SLC12A2: variants seen among roughly 807,000 people sequenced by gnomAD.
SLC12A2 encodes the protein Na-K-2Cl cotransporter 1.
A neutral mutation model predicts 136.3 loss-of-function variants in SLC12A2; 67 were observed. That is an observed-to-expected ratio of 0.49 (90% confidence interval 0.40 to 0.60). The LOEUF (loss-of-function observed/expected upper bound fraction) is 0.60, where lower values mean the gene tolerates loss of function less well. Among genes scored for constraint, SLC12A2 ranks in the 20% least tolerant of loss-of-function variants. The probability of loss-of-function intolerance (pLI) is 0.00; values close to 1 mark genes in which losing one functional copy is unlikely to be tolerated. For synonymous variants in SLC12A2, 619 were observed against 562.9 expected, an observed-to-expected ratio of 1.10 and a Z score of -1.41; for missense variants, 1,322 against 1,534.7, an observed-to-expected ratio of 0.86 and a Z score of 2.32.
At position 128,135,823 on chromosome 5, in the gene SLC12A2, T is replaced by G; in HGVS notation, c.1408+15T>G. 1 of 1,391,076 alleles carries G rather than the reference T, an allele frequency of 7.2e-7. No individual in the cohort carries two copies. The highest frequency in any genetic ancestry group is 1.0e-6 in the Non-Finnish European group (1 of 983,302). 86.2% of individuals were successfully genotyped at this position (1,391,076 alleles called of 1,614,324 possible). Reference sequence around the variant, plus strand: ...TGGTTATAAATGTAAGTAAAAAAGATTCAATATTTTTTAAGGGTACCTATT... The same window carrying G: ...TGGTTATAAATGTAAGTAAAAAAGAGTCAATATTTTTTAAGGGTACCTATT... On this transcript the variant is annotated intron_variant, in intron 7 of 26. Transcript: ENST00000262461.
chr5:128,122,858 T>G (rs1761641639), intron 4 of SLC12A2, among the ~76,000 whole-genome samples: 1 of 152,100 alleles, frequency 6.6e-6, no homozygotes, highest in Non-Finnish European at 1.5e-5. Context: ...GTTCCTTTTT[T>G]TAATAGCTAG....
In SLC12A2 at chr5:128,142,015, G is replaced by A. The variant is rs767964785; in HGVS notation, c.1773+34G>A. 6.9e-6 allele frequency: 11 copies of A among 1,584,278 alleles called. No homozygotes were observed. In the South Asian group the frequency reaches 1.0e-4, roughly 14 times the overall value. On this transcript the variant is annotated intron_variant, in intron 10 of 26. Transcript: ENST00000262461. The stretch of plus-strand genomic sequence containing the variant: ...TGACTTTGTAATATACAGACATTCT[G>A]TATTTATCTAGGGGTGAGACTACTA...
At chr5:128,085,153 A>C (rs1760050220) in intron 1 of SLC12A2, among the ~76,000 whole-genome samples, 1 of 151,878 alleles carries the variant, frequency 6.6e-6, no homozygotes, top group African/African-American at 2.4e-5. Flanking sequence ...TAGGGATCGC[A>C]AGAGTGGGAA....
Position 128,180,867 on chromosome 5 carries a change from CAT to C in SLC12A2, c.3101-15_3101-14del, listed in dbSNP as rs771968857. The C allele has an allele frequency of 7.1e-7, 1 of 1,407,172 alleles. No individual in the cohort carries two copies. Among genetic ancestry groups the C allele is most frequent in the Non-Finnish European group, 1.0e-6 (1 of 1,003,536 alleles). The allele number at this position is 1,407,172 out of a possible 1,614,324, so 87.2% of individuals were successfully genotyped here. A position where few individuals can be genotyped will look rare whatever the true frequency, so the allele number is the denominator to read the frequency against. On this transcript the variant is annotated splice_polypyrimidine_tract_variant and intron_variant, in intron 22 of 26. Transcript: ENST00000262461. ...TTTGCATTTAGTAAATGATTTATTA[CAT>C]TTTTATAATTCAGGTTTGACCTTAT...
chr5:128,178,937 T>A, intron 22 of SLC12A2, among the ~76,000 whole-genome samples: 1 of 152,156 alleles, frequency 6.6e-6, no homozygotes, highest in East Asian at 1.9e-4. Flanking sequence ...ATATGAACCA[T>A]TTTGTTGACT....
chr5:128,100,409 G>A lies in SLC12A2; in HGVS notation c.757-12405G>A, dbSNP rs144442987. 2.9e-3 allele frequency among the ~76,000 whole-genome samples: 446 copies of A among 152,224 alleles called. 3 individuals are homozygous for A. Among genetic ancestry groups the A allele is most frequent in the African/African-American group, 0.01 (428 of 41,554 alleles). On this transcript the variant is annotated intron_variant, in intron 1 of 26. Coordinates refer to ENST00000262461, the MANE Select transcript of SLC12A2 (RefSeq NM_001046.3). ...CTAAAACTTTTTGAGTGCTGACATG[G>A]TGCTTAAAGGAACTGCACATTGGAG...
Position 128,174,610 on chromosome 5 carries a change from A to C in SLC12A2, c.2873A>C (p.Lys958Thr). 6.2e-7 allele frequency: 1 copy of C among 1,609,890 alleles called. No individual in the cohort carries two copies. Among genetic ancestry groups the C allele is most frequent in the Non-Finnish European group, 8.5e-7 (1 of 1,177,658 alleles). The change falls in exon 20 of 27, where the codon AAA becomes ACA. Residue 958 changes from lysine to threonine, a missense_variant. Around this residue, in one of 8 missense-constraint regions of SLC12A2, gnomAD observed 226 missense variants for 210.4 expected, o/e 1.07. Coordinates refer to ENST00000262461, the MANE Select transcript of SLC12A2 (RefSeq NM_001046.3). ...GTGGTAGTAAGTGTGGAATATAGTA[A>C]AAAGTCCGATTTAGATACTTCCAAA... Reference protein sequence around the residue: ...KDVVVSVEYSKKSDLDTSKPL... With the variant: ...KDVVVSVEYSTKSDLDTSKPL...
chr5:128,125,419 G>A (rs576840433), intron 4 of SLC12A2, among the ~76,000 whole-genome samples: 3 of 152,166 alleles, frequency 2.0e-5, no homozygotes, highest in South Asian at 4.1e-4. Context: ...ATGATGAGGA[G>A]CATCTTTTTA....
chr5:128,083,922 G>C lies in SLC12A2; in HGVS notation c.-33G>C, dbSNP rs1398581651. ...GGGCGTGCTGCCGGAGACGTCCGCCGGGCTCTGCAGTTCCGCCGGGGGTCG... is the reference window on the plus strand; with the variant it reads ...GGGCGTGCTGCCGGAGACGTCCGCCCGGCTCTGCAGTTCCGCCGGGGGTCG... On this transcript the variant is annotated 5_prime_UTR_variant, in exon 1 of 27. Transcript: ENST00000262461. 1.6e-6 allele frequency: 2 copies of C among 1,219,914 alleles called. No individual in the cohort carries two copies. Among genetic ancestry groups the C allele is most frequent in the African/African-American group, 1.6e-5 (1 of 63,582 alleles). The allele number at this position is 1,219,914 out of a possible 1,614,324, so 75.6% of individuals were successfully genotyped here.
chr5:128,164,325 A>G (rs927541247), intron 17 of SLC12A2, among the ~76,000 whole-genome samples: 1 of 152,180 alleles, frequency 6.6e-6, no homozygotes, highest in Non-Finnish European at 1.5e-5. Context: ...GCTAGAATTC[A>G]TCCTCCAGAT....
rs769592921 is a variant in SLC12A2, at chr5:128,138,813, T to C, written c.1537-11T>C. 1 of 1,608,770 alleles carries C rather than the reference T, an allele frequency of 6.2e-7. No homozygotes were observed. The highest frequency in any genetic ancestry group is 1.1e-5 in the South Asian group (1 of 89,710). On this transcript the variant is annotated splice_polypyrimidine_tract_variant and intron_variant, in intron 8 of 26. Coordinates refer to ENST00000262461, the MANE Select transcript of SLC12A2 (RefSeq NM_001046.3). Reference sequence around the variant, plus strand: ...TACAGATAGACTTTAAAAAATCTTCTTGTCTTCTAGGATCCTCAGTCAGCC... The same window carrying C: ...TACAGATAGACTTTAAAAAATCTTCCTGTCTTCTAGGATCCTCAGTCAGCC...
intron 16 of SLC12A2, among the ~76,000 whole-genome samples, chr5:128,161,316 T>C (rs1318114677): frequency 6.6e-6 from 1 of 152,184 alleles, no homozygotes; most frequent in Non-Finnish European, 1.5e-5. Flanking sequence ...AGGGAAACTT[T>C]CTGTAGAAAA....
At chr5:128,117,540 G>T (rs186329824) in intron 4 of SLC12A2, among the ~76,000 whole-genome samples, 3 of 152,232 alleles carry the variant, frequency 2.0e-5, no homozygotes, top group Admixed American at 6.5e-5. Context: ...TACATAATGA[G>T]TAAAGGAGGA....
chr5:128,111,911 G>A (rs1345913712), intron 1 of SLC12A2, among the ~76,000 whole-genome samples: 1 of 151,934 alleles, frequency 6.6e-6, no homozygotes, highest in Non-Finnish European at 1.5e-5. Flanking sequence ...TGGTTCTTCT[G>A]CATTTAAAGA....
At chr5:128,183,357 A>G (rs3805615) in intron 24 of SLC12A2, among the ~76,000 whole-genome samples, 40,738 of 151,886 alleles carry the variant, frequency 0.27, 5,915 homozygotes, top group African/African-American at 0.37. Flanking sequence ...TGAAAATGGT[A>G]TATACAGGTT....
chr5:128,097,207 A>G (rs1473843802), intron 1 of SLC12A2, among the ~76,000 whole-genome samples: 4 of 46,920 alleles, frequency 8.5e-5, no homozygotes, highest in Non-Finnish European at 1.5e-4. Context: ...TGAGGAAGAG[A>G]AAGTAATATA....
intron 1 of SLC12A2, among the ~76,000 whole-genome samples, chr5:128,090,621 G>C (rs1292609453): frequency 6.6e-6 from 1 of 152,114 alleles, no homozygotes; most frequent in East Asian, 1.9e-4. Context: ...ATTAAAGCAG[G>C]GCGAGGAAAA....
intron 18 of SLC12A2, 24 bp downstream of exon 18, chr5:128,167,891 AT>A: frequency 7.7e-7 from 1 of 1,290,912 alleles, no homozygotes; most frequent in Non-Finnish European, 1.1e-6. Flanking sequence ...TAATTCAATA[AT>A]TTAGTTCATT....
chr5:128,166,431 C>T (rs1214070633), intron 17 of SLC12A2, among the ~76,000 whole-genome samples: 4 of 151,552 alleles, frequency 2.6e-5, no homozygotes, highest in Non-Finnish European at 4.4e-5. Context: ...AAAACAAAAG[C>T]GTCTCCCAAC....
Sources: allele counts gnomAD v4.1 joint callset (sites outside exome capture counted in the v4.1 genomes callset), GRCh38; gene constraint gnomAD v4.1.1; regional missense constraint gnomAD v4.1.1; transcripts MANE v1.5; gene names NCBI Gene and HGNC (gene_info 2026-07-23, HGNC 2026-07-21).